The following GPHN variants were observed in gnomAD, a reference collection of about 807,000 sequenced individuals.
The protein encoded by GPHN is gephyrin.
GPHN carries 17 observed loss-of-function variants against 95.5 expected under a neutral mutation model. The observed-to-expected ratio is 0.18, with a 90% CI of 0.12 to 0.27. The LOEUF (loss-of-function observed/expected upper bound fraction) is 0.27. Ranked by LOEUF, GPHN falls within the 10% of genes least tolerant of loss-of-function variation. The pLI, the probability that GPHN is intolerant of heterozygous loss-of-function variation, is 1.00. For missense variants in GPHN, 660 were observed against 978.1 expected, an observed-to-expected ratio of 0.67 and a Z score of 4.34; for synonymous variants, 320 against 322.5, an observed-to-expected ratio of 0.99 and a Z score of 0.08.
At chr14:67,731,714 A>G in the GPHN span, among the ~76,000 whole-genome samples, 1 of 152,200 alleles carries the variant, frequency 6.6e-6, no homozygotes, top group Non-Finnish European at 1.5e-5. Context: ...TACATAGAGA[A>G]CAGTCTGGAG....
At chr14:67,137,861 A>G (rs2080188692) in intron 17 of GPHN, among the ~76,000 whole-genome samples, 2 of 152,212 alleles carry the variant, frequency 1.3e-5, no homozygotes, top group African/African-American at 4.8e-5. Context: ...GATTTAAGTG[A>G]TATCATGATA....
At chr14:66,980,252 A>G (rs749445043) in intron 9 of GPHN, among the ~76,000 whole-genome samples, 26 of 152,238 alleles carry the variant, frequency 1.7e-4, no homozygotes, top group Non-Finnish European at 2.6e-4. Context: ...AAAAAATGCA[A>G]TTATCCATGA....
chr14:67,312,462 A>C, the GPHN span: 1 of 1,170,644 alleles, frequency 8.5e-7, no homozygotes, highest in Non-Finnish European at 1.2e-6. Flanking sequence ...TAGCATTTAA[A>C]TTGTATTCAT....
At chr14:67,663,531 T>G in the GPHN span, among the ~76,000 whole-genome samples, 2 of 151,604 alleles carry the variant, frequency 1.3e-5, no homozygotes, top group African/African-American at 4.8e-5. Context: ...AAAATTAGCC[T>G]GGTGTGGTGG....
the GPHN span, among the ~76,000 whole-genome samples, chr14:67,549,347 T>C: frequency 6.6e-6 from 1 of 151,974 alleles, no homozygotes; most frequent in Non-Finnish European, 1.5e-5. Context: ...CTCAGCTCAC[T>C]GCAACCTCCG....
chr14:67,123,912 CT>C (rs1411764612), intron 17 of GPHN, among the ~76,000 whole-genome samples: 2 of 152,168 alleles, frequency 1.3e-5, no homozygotes, highest in African/African-American at 4.8e-5. Flanking sequence ...TTGAACACCC[CT>C]GGTCTAAACC....
At chr14:67,540,498 A>G in the GPHN span, among the ~76,000 whole-genome samples, 1 of 151,886 alleles carries the variant, frequency 6.6e-6, no homozygotes, top group South Asian at 2.1e-4. Context: ...TTGATGGTGC[A>G]CGCCTGTAAT....
the GPHN span, chr14:67,393,290 G>A: frequency 7.6e-7 from 1 of 1,311,480 alleles, no homozygotes; most frequent in African/African-American, 1.4e-5. Flanking sequence ...CACGCGGGCA[G>A]GTATAAGGGA....
chr14:67,376,736 G>A, the GPHN span: 1 of 726,014 alleles, frequency 1.4e-6, no homozygotes, highest in Non-Finnish European at 2.2e-6. Context: ...AATCCTATAT[G>A]GTCAAGTCTG....
chr14:67,449,377 G>C, the GPHN span, among the ~76,000 whole-genome samples: 1 of 152,140 alleles, frequency 6.6e-6, no homozygotes, highest in East Asian at 1.9e-4. Flanking sequence ...TTTAGAAGAG[G>C]GTTGTGGTAG....
chr14:67,659,256 T>C, the GPHN span, among the ~76,000 whole-genome samples: 2 of 152,212 alleles, frequency 1.3e-5, no homozygotes, highest in African/African-American at 2.4e-5. Context: ...CTGGGCCATC[T>C]TGACATTAAG....
At chr14:66,848,439 T>C (rs1046203322) in intron 4 of GPHN, among the ~76,000 whole-genome samples, 15 of 152,126 alleles carry the variant, frequency 9.9e-5, no homozygotes, top group Non-Finnish European at 2.2e-4. Context: ...GAAGTCTGTT[T>C]AGATATCCTG....
the GPHN span, among the ~76,000 whole-genome samples, chr14:67,289,768 C>CTTTTTTTTTTTT: frequency 5.2e-5 from 5 of 95,508 alleles, 2 homozygotes; most frequent in African/African-American, 8.3e-5. Flanking sequence ...TTTTCCATGT[C>CTTTTTTTTTTTT]CTTTTTTTTT....
intron 10 of GPHN, among the ~76,000 whole-genome samples, chr14:67,048,598 T>C (rs1381457337): frequency 6.6e-6 from 1 of 152,214 alleles, no homozygotes; most frequent in East Asian, 1.9e-4. Flanking sequence ...ACAGCTATAG[T>C]GGGGAAGATG....
chr14:67,115,416 A>G (rs1356265966), intron 16 of GPHN, among the ~76,000 whole-genome samples: 1 of 152,148 alleles, frequency 6.6e-6, no homozygotes, highest in African/African-American at 2.4e-5. Flanking sequence ...TTCCTTAAGT[A>G]TTGGTTTTAG....
In GPHN at chr14:66,630,489, A is replaced by T. The variant is rs537888068; in HGVS notation, c.65-50618A>T. Among the ~76,000 whole-genome samples the T allele has an allele frequency of 1.8e-4, 26 of 145,882 alleles. No individual in the cohort carries two copies. The East Asian group carries it at 3.9e-3, about 22-fold the overall frequency. ...TCAGAATCCTATTGTTGTTGTTGTT[A>T]TTTTTTTTTTAAGATGGAGTCGCCC... is the stretch of plus-strand genomic sequence containing the variant. On this transcript the variant is annotated intron_variant, in intron 1 of 22. Coordinates refer to ENST00000478722, the MANE Select transcript of GPHN (RefSeq NM_020806.5).
At chr14:67,577,716 C>T in the GPHN span, among the ~76,000 whole-genome samples, 4 of 152,122 alleles carry the variant, frequency 2.6e-5, no homozygotes, top group African/African-American at 7.2e-5. Flanking sequence ...CTGAGAGATT[C>T]GGACCTATTT....
chr14:67,157,109 T>C (rs1256158024), intron 18 of GPHN, among the ~76,000 whole-genome samples: 1 of 151,486 alleles, frequency 6.6e-6, no homozygotes. Flanking sequence ...TATAAAGACA[T>C]AGAAAACTGA....
At chr14:66,731,233 G>A (rs2071741117) in intron 2 of GPHN, among the ~76,000 whole-genome samples, 1 of 152,196 alleles carries the variant, frequency 6.6e-6, no homozygotes, top group South Asian at 2.1e-4. Flanking sequence ...GTAAAGTGGT[G>A]AGTGAGGTAC....
Sources: allele counts gnomAD v4.1 joint callset (sites outside exome capture counted in the v4.1 genomes callset), GRCh38; gene constraint gnomAD v4.1.1; transcripts MANE v1.5; gene names NCBI Gene and HGNC (gene_info 2026-07-23, HGNC 2026-07-21).